DYNC2I2: variants seen among roughly 807,000 people sequenced by gnomAD.
DYNC2I2 encodes cytoplasmic dynein 2 intermediate chain 2.
Under a neutral mutation model 52.0 loss-of-function variants are expected in DYNC2I2, and 39 were observed. The observed-to-expected ratio is 0.75, with a 90% confidence interval of 0.58 to 0.98. The LOEUF (loss-of-function observed/expected upper bound fraction) is 0.98. Ranked by LOEUF, DYNC2I2 falls within the 50% of genes least tolerant of loss-of-function variation. DYNC2I2 has a pLI of 0.00. For synonymous variants in DYNC2I2, 359 were observed against 321.1 expected (o/e 1.12, Z -1.26); for missense variants, 743 against 728.4 (o/e 1.02, Z -0.23).
At chr9:128,671,392 C>T in the DYNC2I2 span, among the ~76,000 whole-genome samples, 1 of 151,110 alleles carries the variant, frequency 6.6e-6, no homozygotes, top group Non-Finnish European at 1.5e-5. Flanking sequence ...AACTCCGCCT[C>T]CTGGGTTCAA....
chr9:128,681,238 G>A, the DYNC2I2 span, among the ~76,000 whole-genome samples: 12 of 152,034 alleles, frequency 7.9e-5, no homozygotes, highest in South Asian at 2.1e-4. Flanking sequence ...CTACAGGTGC[G>A]TGCCACCACT....
chr9:128,653,729 A>G (rs891138143), intron 1 of DYNC2I2, among the ~76,000 whole-genome samples: 2 of 130,530 alleles, frequency 1.5e-5, no homozygotes, highest in African/African-American at 3.0e-5. Flanking sequence ...AAAAAAACCC[A>G]GGCCGGGCGC....
Position 128,633,977 on chromosome 9 carries a change from C to A in DYNC2I2, c.1378G>T (p.Val460Leu), listed in dbSNP as rs1345373973. The A allele has an allele frequency of 1.2e-6, 2 of 1,613,000 alleles. No homozygotes were observed. Among genetic ancestry groups the A allele is most frequent in the South Asian group, 2.2e-5 (2 of 91,080 alleles). ...CTTTTCTGGAGATCAAACAGCTGCACGTCACCTGCAAAGAGAGACAGATAC... is the reference window on the plus strand; with the variant it reads ...CTTTTCTGGAGATCAAACAGCTGCAAGTCACCTGCAAAGAGAGACAGATAC... ...VFAAASGKGD[V>L]QLFDLQKSSQ... The change falls in exon 9 of 9, where the codon GTG becomes TTG. Residue 460 changes from valine (V) to leucine (L), a missense_variant. By Grantham distance (32) the Val-to-Leu change is conservative (BLOSUM62 1). Coordinates refer to ENST00000372715, the MANE Select transcript of DYNC2I2 (RefSeq NM_052844.4).
At chr9:128,639,508 G>T (rs1366447336) in intron 2 of DYNC2I2, among the ~76,000 whole-genome samples, 1 of 152,142 alleles carries the variant, frequency 6.6e-6, no homozygotes, top group Non-Finnish European at 1.5e-5. Context: ...ACTGTACTTG[G>T]AGGGCAGATG....
the DYNC2I2 span, among the ~76,000 whole-genome samples, chr9:128,669,890 A>G: frequency 3.3e-5 from 5 of 152,112 alleles, no homozygotes; most frequent in Non-Finnish European, 5.9e-5. Flanking sequence ...TATGTTGCTG[A>G]GCCAGGTCTT....
upstream of DYNC2I2, among the ~76,000 whole-genome samples, chr9:128,661,760 G>A (rs960095499): frequency 3.3e-5 from 5 of 151,058 alleles, no homozygotes; most frequent in Admixed American, 6.6e-5. Context: ...AAAAAAAGCC[G>A]GCCGGGCTTG....
At chr9:128,647,267 C>T (rs116954648) in intron 1 of DYNC2I2, among the ~76,000 whole-genome samples, 1,724 of 152,266 alleles carry the variant, frequency 0.011, 7 homozygotes, top group Non-Finnish European at 0.015. Flanking sequence ...GTCCATACCC[C>T]GCCACCATGC....
At chr9:128,683,770 T>C in the DYNC2I2 span, 1 of 727,406 alleles carries the variant, frequency 1.4e-6, no homozygotes. Context: ...CATGTAAATA[T>C]CCCTTCCAGG....
At chr9:128,634,489 TC>T in intron 7 of DYNC2I2, 106 bp from the exon 8 acceptor site, 1 of 1,439,944 alleles carries the variant, frequency 6.9e-7, no homozygotes, top group East Asian at 2.3e-5. Flanking sequence ...GTGAAGAGCC[TC>T]CCGGGTCCCT....
the DYNC2I2 span, among the ~76,000 whole-genome samples, chr9:128,678,050 A>G: frequency 1.3e-5 from 2 of 150,098 alleles, no homozygotes; most frequent in Admixed American, 6.6e-5. Flanking sequence ...CCTTCGACTT[A>G]GCTGCAGTTT....
chr9:128,640,633 A>G, intron 2 of DYNC2I2, 58 bp downstream of exon 2: 1 of 1,569,094 alleles, frequency 6.4e-7, no homozygotes, highest in South Asian at 1.2e-5. Flanking sequence ...AAGGAAAACA[A>G]GAGGAGACAG....
rs1564336534 is a variant in DYNC2I2 at position 128,633,898 on chromosome 9, T to C, written c.1457A>G (p.Tyr486Cys). 3 of 1,613,368 alleles carry C rather than the reference T, an allele frequency of 1.9e-6. No homozygotes were observed. The highest frequency in any genetic ancestry group is 1.7e-6 in the Non-Finnish European group (2 of 1,180,036). The change falls in exon 9 of 9, where the codon TAC becomes TGC. Residue 486 changes from tyrosine (Y) to cysteine (C), a missense_variant. Physicochemically the swap from Tyr to Cys is radical, Grantham distance 194. Transcript: ENST00000372715. ...CTGCTGGCTGTTGAACTCCAGACAG[T>C]AGACAGGGCTTTCATCCTGGGTTTG... ...IKQTQDESPVYCLEFNSQQTQ... is the reference protein window; with the variant it reads ...IKQTQDESPVCCLEFNSQQTQ...
the DYNC2I2 span, among the ~76,000 whole-genome samples, chr9:128,672,765 C>T: frequency 3.3e-5 from 5 of 152,158 alleles, no homozygotes; most frequent in East Asian, 3.9e-4. Flanking sequence ...CGGTGGCTCA[C>T]GCCTATAATC....
the DYNC2I2 span, among the ~76,000 whole-genome samples, chr9:128,672,724 C>T: frequency 6.6e-6 from 1 of 152,000 alleles, no homozygotes; most frequent in Admixed American, 6.6e-5. Context: ...AATTTGGGAA[C>T]ATGTTAAAAA....
At position 128,655,387 on chromosome 9, in the gene DYNC2I2, T is replaced by A. The variant is rs541706369; in HGVS notation, c.186+1154A>T. Among the ~76,000 whole-genome samples the A allele has an allele frequency of 2.3e-3, 292 of 126,510 alleles. 1 individual carries two copies. Among genetic ancestry groups the A allele is most frequent in the Non-Finnish European group, 3.8e-3 (234 of 61,848 alleles). The allele number at this position is 126,510 out of a possible 152,430, so 83.0% of individuals were successfully genotyped here. On this transcript the variant is annotated intron_variant, in intron 1 of 8. Coordinates refer to ENST00000372715, the MANE Select transcript of DYNC2I2 (RefSeq NM_052844.4). ...TTAGCCGGGCGTGGTGGCGGGCGCC[T>A]GTAGTCCCAGCTACTAGGGAGGCTG...
rs1177862092 is a variant in DYNC2I2 at position 128,633,960 on chromosome 9, G to A, written c.1395C>T (p.Leu465=). Residue 465 remains leucine (L), a synonymous_variant, in exon 9 of 9, where the codon CTC becomes CTT. Transcript: ENST00000372715. ...CTGTGGGTTTCTGGGAGCTTTTCTG[G>A]AGATCAAACAGCTGCACGTCACCTG... ...SGKGDVQLFD[L]QKSSQKPTVL... is the part of the protein sequence containing the mutation. 1.2e-6 allele frequency: 2 copies of A among 1,612,938 alleles called. No individual in the cohort carries two copies. Among genetic ancestry groups the A allele is most frequent in the African/African-American group, 2.7e-5 (2 of 74,928 alleles).
the DYNC2I2 span, among the ~76,000 whole-genome samples, chr9:128,667,770 G>C: frequency 6.8e-6 from 1 of 146,642 alleles, no homozygotes; most frequent in Non-Finnish European, 1.5e-5. Context: ...GTCTCACCCT[G>C]TTGCCAGGCT....
the DYNC2I2 span, among the ~76,000 whole-genome samples, chr9:128,662,092 G>C: frequency 6.6e-6 from 1 of 151,696 alleles, no homozygotes; most frequent in Non-Finnish European, 1.5e-5. Context: ...AATTAGCTGG[G>C]CATGGTTGCA....
intron 1 of DYNC2I2, among the ~76,000 whole-genome samples, chr9:128,646,444 G>C (rs968849896): frequency 1.3e-5 from 2 of 152,156 alleles, no homozygotes; most frequent in African/African-American, 4.8e-5. Context: ...CCTGAACCCA[G>C]GTGATCAGCC....
Sources: gnomAD v4.1 joint callset for allele counts (sites outside exome capture counted in the v4.1 genomes callset) on GRCh38, gnomAD v4.1.1 for gene constraint, MANE v1.5 for transcripts, NCBI Gene and HGNC (gene_info 2026-07-23, HGNC 2026-07-21) for gene names.